The following FAM117B variants were observed in gnomAD, a reference collection of about 807,000 sequenced individuals.
The protein encoded by FAM117B is family with sequence similarity 117 member B.
FAM117B carries 22 observed loss-of-function variants against 52.8 expected under a neutral mutation model. The observed-to-expected ratio is 0.42, with a 90% CI of 0.30 to 0.59. The LOEUF (loss-of-function observed/expected upper bound fraction) is 0.59. FAM117B is among the 20% of genes least tolerant of loss of function. FAM117B has a pLI of 0.22. For synonymous variants in FAM117B, 309 were observed against 324.1 expected (o/e 0.95, Z 0.50); for missense variants, 678 against 802.6 (o/e 0.84, Z 1.88).
intron 1 of FAM117B, among the ~76,000 whole-genome samples, chr2:202,669,391 A>G (rs1476905503): frequency 2.0e-5 from 3 of 152,176 alleles, no homozygotes; most frequent in Non-Finnish European, 4.4e-5. Flanking sequence ...AGTCCCAAAT[A>G]GTATGGAAAT....
chr2:202,729,536 A>T (rs1691307505), intron 4 of FAM117B, among the ~76,000 whole-genome samples: 1 of 152,196 alleles, frequency 6.6e-6, no homozygotes, highest in Non-Finnish European at 1.5e-5. Flanking sequence ...GGATGTGGTG[A>T]TAAAAGAAAT....
intron 1 of FAM117B, among the ~76,000 whole-genome samples, chr2:202,664,826 T>C (rs1460632250): frequency 6.6e-6 from 1 of 152,174 alleles, no homozygotes; most frequent in Non-Finnish European, 1.5e-5. Flanking sequence ...TGGGTCAGTG[T>C]ATTAGTTTTC....
At chr2:202,730,498 CCT>C (rs977949675) in intron 4 of FAM117B, among the ~76,000 whole-genome samples, 12 of 151,976 alleles carry the variant, frequency 7.9e-5, no homozygotes, top group African/African-American at 2.7e-4. Flanking sequence ...GGCAAAACCC[CCT>C]CTCTACTAAA....
chr2:202,699,769 T>C (rs996434063), intron 2 of FAM117B, among the ~76,000 whole-genome samples: 1 of 152,244 alleles, frequency 6.6e-6, no homozygotes, highest in South Asian at 2.1e-4. Flanking sequence ...TTGAACTTTA[T>C]TGGGCTTCGC....
chr2:202,688,185 T>A (rs1465340648), intron 1 of FAM117B, among the ~76,000 whole-genome samples: 1 of 152,188 alleles, frequency 6.6e-6, no homozygotes, highest in African/African-American at 2.4e-5. Flanking sequence ...TGATTATTCT[T>A]CTGTATGCAT....
At chr2:202,727,944 C>T (rs1314254571) in intron 4 of FAM117B, among the ~76,000 whole-genome samples, 4 of 152,090 alleles carry the variant, frequency 2.6e-5, no homozygotes, top group Non-Finnish European at 5.9e-5. Flanking sequence ...AATATTAATA[C>T]TCGGGTCAGA....
chr2:202,759,397 C>CT (rs758716624), intron 7 of FAM117B, 44 bp downstream of exon 7: 2,710 of 1,376,632 alleles, frequency 2.0e-3, no homozygotes, highest in South Asian at 4.0e-3. Context: ...CTATTATGAG[C>CT]TTTTTTTTTT....
intron 4 of FAM117B, among the ~76,000 whole-genome samples, chr2:202,731,368 T>TATATATATATAG (rs780138718): frequency 0.035 from 3,381 of 95,604 alleles, 353 homozygotes; most frequent in East Asian, 0.064. Flanking sequence ...TATATATATA[T>TATATATATATAG]GGAGAGAGAG....
At chr2:202,759,396 G>A (rs373853389) in intron 7 of FAM117B, 43 bp downstream of exon 7, 3 of 1,589,902 alleles carry the variant, frequency 1.9e-6, no homozygotes, top group Non-Finnish European at 2.6e-6. Context: ...ACTATTATGA[G>A]CTTTTTTTTT....
In FAM117B at chr2:202,726,124, T is replaced by C. The variant is rs937752517; in HGVS notation, c.847-126T>C. On this transcript the variant is annotated intron_variant, in intron 3 of 7. Coordinates refer to ENST00000392238, the MANE Select transcript of FAM117B (RefSeq NM_173511.4). ...AAATTATGAACAAAAAATGAGACTT[T>C]GTGATATGGTTCAAAAATTCAAAGG... is the stretch of plus-strand genomic sequence containing the variant. 6 of 619,164 alleles carry C rather than the reference T, an allele frequency of 9.7e-6. No homozygotes were observed. The African/African-American group carries it at 1.1e-4, about 11-fold the overall frequency. The allele number at this position is 619,164 out of a possible 1,614,324, so 38.4% of individuals were successfully genotyped here.
chr2:202,691,995 C>T (rs1430743218), intron 1 of FAM117B, among the ~76,000 whole-genome samples: 3 of 152,088 alleles, frequency 2.0e-5, no homozygotes, highest in Non-Finnish European at 4.4e-5. Flanking sequence ...AATTATGTGT[C>T]TCAGACATAT....
chr2:202,691,655 G>GTGTGTGTGTA (rs879485821), intron 1 of FAM117B, among the ~76,000 whole-genome samples: 8,031 of 89,416 alleles, frequency 0.09, 279 homozygotes, highest in Middle Eastern at 0.17. Context: ...TACATTGTGT[G>GTGTGTGTGTA]TGTGTGTGTG....
intron 1 of FAM117B, among the ~76,000 whole-genome samples, chr2:202,661,418 A>G (rs191164438): frequency 3.0e-4 from 45 of 152,348 alleles, no homozygotes; most frequent in Admixed American, 3.9e-4. Flanking sequence ...AGTACCTTCT[A>G]TATTCCAACT....
At chr2:202,670,563 G>A (rs1340840207) in intron 1 of FAM117B, among the ~76,000 whole-genome samples, 1 of 151,920 alleles carries the variant, frequency 6.6e-6, no homozygotes, top group African/African-American at 2.4e-5. Context: ...ACTGGGATAA[G>A]CCACCGCCCC....
chr2:202,708,392 C>T (rs1690907627), intron 2 of FAM117B, among the ~76,000 whole-genome samples: 3 of 152,096 alleles, frequency 2.0e-5, no homozygotes, highest in Non-Finnish European at 4.4e-5. Context: ...TCATATACTG[C>T]AGAATTTCTT....
At chr2:202,660,132 ATTAATTTCATGTGTAT>A (rs1055138858) in intron 1 of FAM117B, among the ~76,000 whole-genome samples, 3 of 151,932 alleles carry the variant, frequency 2.0e-5, no homozygotes, top group Admixed American at 6.6e-5. Context: ...TTATCTTTTC[ATTAATTTCATGTGTAT>A]TTGCCCTTAC....
chr2:202,650,942 C>G (rs1413296918), intron 1 of FAM117B, among the ~76,000 whole-genome samples: 1 of 152,102 alleles, frequency 6.6e-6, no homozygotes, highest in Non-Finnish European at 1.5e-5. Flanking sequence ...TTTGGCAACA[C>G]CCTCACAAAC....
At chr2:202,641,111 A>G (rs1689763053) in intron 1 of FAM117B, among the ~76,000 whole-genome samples, 1 of 152,212 alleles carries the variant, frequency 6.6e-6, no homozygotes, top group Admixed American at 6.5e-5. Flanking sequence ...AGACTCACAA[A>G]CTAGCCATGT....
chr2:202,666,135 T>C (rs1489253082), intron 1 of FAM117B, among the ~76,000 whole-genome samples: 1 of 152,196 alleles, frequency 6.6e-6, no homozygotes, highest in Non-Finnish European at 1.5e-5. Flanking sequence ...TTGGGAATGG[T>C]ATTGTTACAA....
Sources: allele counts gnomAD v4.1 joint callset (sites outside exome capture counted in the v4.1 genomes callset), GRCh38; gene constraint gnomAD v4.1.1; transcripts MANE v1.5; gene names NCBI Gene and HGNC (gene_info 2026-07-23, HGNC 2026-07-21).